ADA2: variants seen among roughly 807,000 people sequenced by gnomAD.
ADA2 encodes the protein adenosine deaminase 2, also known as adenosine deaminase CECR1.
Under a neutral mutation model 44.2 loss-of-function variants are expected in ADA2, and 29 were observed. The ratio of observed to expected loss-of-function variants is 0.66; its 90% CI spans 0.49 to 0.89. The LOEUF is 0.89. Ranked by LOEUF, ADA2 falls within the 40% of genes least tolerant of loss-of-function variation. The pLI, the probability that ADA2 is intolerant of heterozygous loss-of-function variation, is 0.00. For missense variants in ADA2, 637 were observed against 644.8 expected (o/e 0.99, Z 0.13); for synonymous variants, 215 against 234.9 (o/e 0.92, Z 0.77).
intron 4 of ADA2, among the ~76,000 whole-genome samples, chr22:17,194,608 CCCCCCACAA>C (rs1377035537): frequency 6.6e-6 from 1 of 152,056 alleles, no homozygotes; most frequent in Non-Finnish European, 1.5e-5. Context: ...CGTCACACAG[CCCCCCACAA>C]CCTGCACCTG....
rs1300305031 is a variant in ADA2, at chr22:17,203,622, T to G, written c.694A>C (p.Met232Leu). 2.5e-6 allele frequency: 4 copies of G among 1,613,928 alleles called. No homozygotes were observed. The highest frequency in any genetic ancestry group is 1.7e-5 in the Admixed American group (1 of 60,020). The change falls in exon 4 of 10, where the codon ATG (methionine) becomes CTG (leucine). Residue 232 changes from methionine (M) to leucine (L), a missense_variant. By Grantham distance (15) the Met-to-Leu change is conservative. Coordinates refer to ENST00000399837, the MANE Select transcript of ADA2 (RefSeq NM_001282225.2). ...ACGTTGTCCTCGTAGAACTCCTGCA[T>G]GCTCCGGAAGACATAGTCTCTGAAC... ...PVFRDYVFRS[M>L]QEFYEDNVLY...
intron 4 of ADA2, chr22:17,192,841 G>T: frequency 2.7e-6 from 1 of 367,124 alleles, no homozygotes; most frequent in Non-Finnish European, 5.2e-6. Flanking sequence ...AAAAAAAAAA[G>T]GGGGGGCCCT....
chr22:17,188,886 T>TATATATATATATATATATATATATATATA (rs1491152456), intron 6 of ADA2, among the ~76,000 whole-genome samples: 7 of 59,614 alleles, frequency 1.2e-4, no homozygotes, highest in Non-Finnish European at 1.9e-4. Context: ...TATATATATA[T>TATATATATATATATATATATATATATATA]TTTGTAAAGA....
intron 7 of ADA2, among the ~76,000 whole-genome samples, chr22:17,187,665 TAAA>T (rs34113994): frequency 2.9e-5 from 4 of 136,832 alleles, no homozygotes; most frequent in South Asian, 2.3e-4. Flanking sequence ...CACGAAAAAT[TAAA>T]AAAAAAAAAA....
chr22:17,210,938 G>A (rs1043151020), intron 1 of ADA2, among the ~76,000 whole-genome samples: 5 of 152,192 alleles, frequency 3.3e-5, no homozygotes, highest in African/African-American at 1.2e-4. Context: ...CAGCTATTCA[G>A]GAGGCTGAAG....
At chr22:17,194,239 A>G (rs1230996797) in intron 4 of ADA2, among the ~76,000 whole-genome samples, 1 of 151,914 alleles carries the variant, frequency 6.6e-6, no homozygotes, top group East Asian at 1.9e-4. Flanking sequence ...TCCCCTCACT[A>G]AGGGAGAAAT....
At chr22:17,182,519 A>G (rs1288536607) in intron 8 of ADA2, 85 bp downstream of exon 8, 28 of 1,330,006 alleles carry the variant, frequency 2.1e-5, no homozygotes, top group Non-Finnish European at 2.9e-5. Flanking sequence ...TTAAGGAGAG[A>G]TAAGTTATAC....
In ADA2 at chr22:17,178,941, G is replaced by A. The variant is rs572211996; in HGVS notation, c.*2542C>T. Reference sequence around the variant, plus strand: ...GGTAAGGCACTGAATCACCTGCAGAGTTAGACAGGACCCTAGAGGTTGTCT... The same window carrying A: ...GGTAAGGCACTGAATCACCTGCAGAATTAGACAGGACCCTAGAGGTTGTCT... On this transcript the variant is annotated 3_prime_UTR_variant, in exon 10 of 10. Transcript: ENST00000399837. 1.3e-5 allele frequency: 2 copies of A among 152,244 alleles called. No individual in the cohort carries two copies. The highest frequency in any genetic ancestry group is 4.8e-5 in the African/African-American group (2 of 41,528). The allele number at this position is 152,244 out of a possible 1,614,324, so 9.4% of individuals were successfully genotyped here.
intron 1 of ADA2, among the ~76,000 whole-genome samples, chr22:17,216,213 A>T (rs1279175448): frequency 6.6e-6 from 1 of 151,876 alleles, no homozygotes; most frequent in African/African-American, 2.4e-5. Flanking sequence ...ATAATAATAA[A>T]AATTATCCAT....
chr22:17,186,655 G>A (rs2062039232), intron 7 of ADA2, among the ~76,000 whole-genome samples: 1 of 151,466 alleles, frequency 6.6e-6, no homozygotes. Flanking sequence ...GATCACTTGA[G>A]GTCAGGAGTT....
intron 8 of ADA2, among the ~76,000 whole-genome samples, 172 bp from the exon 9 acceptor site, chr22:17,182,194 G>A (rs532461057): frequency 6.6e-6 from 1 of 152,304 alleles, no homozygotes; most frequent in South Asian, 2.1e-4. Flanking sequence ...AACAGAGCCA[G>A]TCCTTATGCT....
At chr22:17,206,983 T>C (rs2062359408) in intron 3 of ADA2, 88 bp downstream of exon 3, 1 of 990,704 alleles carries the variant, frequency 1.0e-6, no homozygotes, top group African/African-American at 1.6e-5. Context: ...AGCCAGATTT[T>C]TATCTATAGG....
intron 4 of ADA2, chr22:17,193,358 CAAAAAAAAAAAAAAAAAA>C (rs71200244): frequency 1.6e-4 from 10 of 63,680 alleles, no homozygotes; most frequent in East Asian, 4.1e-4. Context: ...GTAAAAACTG[CAAAAAAAAAAAAAAAAAA>C]AAAAAAAAAG....
intron 4 of ADA2, among the ~76,000 whole-genome samples, chr22:17,192,460 G>C (rs2062130531): frequency 6.6e-6 from 1 of 152,134 alleles, no homozygotes; most frequent in African/African-American, 2.4e-5. Flanking sequence ...CTGCCACCAG[G>C]GACAGCAAGG....
In ADA2 at chr22:17,213,537, G is replaced by C. The variant is rs367998062; in HGVS notation, c.-46-3814C>G. On this transcript the variant is annotated intron_variant, in intron 1 of 9. Coordinates refer to ENST00000399837, the MANE Select transcript of ADA2 (RefSeq NM_001282225.2). ...GGATGCCTACGAGCAGGTACAAAAA[G>C]GACTTCTAAAGCTGAAAGGCGTCGC... The C allele has an allele frequency of 2.7e-5, 8 of 294,324 alleles. No individual in the cohort carries two copies. The East Asian group carries it at 3.9e-4, about 14-fold the overall frequency. 18.2% of individuals were successfully genotyped at this position (294,324 alleles called of 1,614,324 possible).
At chr22:17,195,946 G>A (rs1210049594) in intron 4 of ADA2, among the ~76,000 whole-genome samples, 4 of 151,802 alleles carry the variant, frequency 2.6e-5, no homozygotes, top group Non-Finnish European at 2.9e-5. Context: ...ACGGGGTTTC[G>A]CCATGCTGGT....
At chr22:17,185,826 C>T (rs1382638756) in intron 7 of ADA2, among the ~76,000 whole-genome samples, 1 of 152,202 alleles carries the variant, frequency 6.6e-6, no homozygotes, top group East Asian at 1.9e-4. Flanking sequence ...CCACCACTCT[C>T]TCCACCCCTC....
chr22:17,202,585 T>C (rs1223246976), intron 4 of ADA2, among the ~76,000 whole-genome samples: 1 of 151,884 alleles, frequency 6.6e-6, no homozygotes, highest in Non-Finnish European at 1.5e-5. Flanking sequence ...CTTTTTAACC[T>C]CTCCACACTT....
intron 8 of ADA2, 127 bp downstream of exon 8, chr22:17,182,477 A>C: frequency 1.1e-6 from 1 of 923,228 alleles, no homozygotes; most frequent in Non-Finnish European, 1.7e-6. Flanking sequence ...TAACAGGGGT[A>C]GGAGAGTGGA....
Sources: gnomAD v4.1 joint callset for allele counts (sites outside exome capture counted in the v4.1 genomes callset) on GRCh38, gnomAD v4.1.1 for gene constraint, MANE v1.5 for transcripts, NCBI Gene and HGNC (gene_info 2026-07-23, HGNC 2026-07-21) for gene names.